Variants in ZFAND3 observed in about 807,000 individuals in gnomAD.
ZFAND3 encodes the protein AN1-type zinc finger protein 3.
A neutral mutation model predicts 29.6 loss-of-function variants in ZFAND3; 10 were observed. The observed-to-expected ratio is 0.34, with a 90% CI of 0.21 to 0.57. ZFAND3 has a LOEUF of 0.57. ZFAND3 is among the 20% of genes least tolerant of loss of function. The pLI is 0.86. For missense variants in ZFAND3, 230 were observed against 304.5 expected, an observed-to-expected ratio of 0.76 and a Z score of 1.82; for synonymous variants, 128 against 112.6, an observed-to-expected ratio of 1.14 and a Z score of -0.87.
chr6:37,897,442 C>G (rs2127399472), intron 1 of ZFAND3, among the ~76,000 whole-genome samples: 1 of 152,270 alleles, frequency 6.6e-6, no homozygotes, highest in East Asian at 1.9e-4. Flanking sequence ...GGCTTATCTT[C>G]CGTCTTTGTT....
intron 2 of ZFAND3, among the ~76,000 whole-genome samples, chr6:37,945,925 C>A (rs925454236): frequency 1.3e-5 from 2 of 152,148 alleles, no homozygotes; most frequent in Non-Finnish European, 2.9e-5. Flanking sequence ...GTCACCACTT[C>A]TTGTTAAAAT....
intron 2 of ZFAND3, among the ~76,000 whole-genome samples, chr6:37,977,759 T>C: frequency 6.7e-6 from 1 of 149,890 alleles, no homozygotes; most frequent in Non-Finnish European, 1.5e-5. Context: ...CTTTTATTTC[T>C]GGTTTGCTGA....
At chr6:38,049,215 A>G (rs117255691) in intron 2 of ZFAND3, among the ~76,000 whole-genome samples, 2 of 152,310 alleles carry the variant, frequency 1.3e-5, no homozygotes, top group East Asian at 3.9e-4. Flanking sequence ...CTTCGCTATA[A>G]TTCATACCAG....
intron 4 of ZFAND3, among the ~76,000 whole-genome samples, chr6:38,092,257 C>A (rs1485880658): frequency 2.1e-4 from 32 of 152,186 alleles, no homozygotes; most frequent in Non-Finnish European, 1.3e-4. Context: ...GGTTAGGCAG[C>A]CAGTCCAGCA....
Position 38,041,689 on chromosome 6 carries a change from TTCTC to T in ZFAND3, c.113-19903_113-19900del, listed in dbSNP as rs1561976813. On this transcript the variant is annotated intron_variant, in intron 2 of 5. Transcript: ENST00000287218. ...CTTCTTCTTCTTCTTCTTCTTCTCC[TTCTC>T]CTTCTCCTCCTCCTCCTCCTCCTCC... 3.6e-3 allele frequency among the ~76,000 whole-genome samples: 88 copies of T among 24,156 alleles called. 13 individuals carry two copies. Among genetic ancestry groups the T allele is most frequent in the African/African-American group, 0.014 (81 of 5,880 alleles). The allele number at this position is 24,156 out of a possible 152,430, so 15.8% of individuals were successfully genotyped here.
intron 1 of ZFAND3, among the ~76,000 whole-genome samples, chr6:37,886,604 G>A (rs929630668): frequency 2.0e-5 from 3 of 152,316 alleles, no homozygotes; most frequent in East Asian, 1.9e-4. Flanking sequence ...CTGTTGCTCA[G>A]TAAAGCTATT....
At chr6:38,097,102 TCTCA>T (rs1440889276) in intron 4 of ZFAND3, among the ~76,000 whole-genome samples, 3 of 151,886 alleles carry the variant, frequency 2.0e-5, no homozygotes, top group Non-Finnish European at 4.4e-5. Flanking sequence ...TTTTTGAGAG[TCTCA>T]CTCTATTCAC....
At chr6:38,033,639 A>G (rs530684206) in intron 2 of ZFAND3, among the ~76,000 whole-genome samples, 10 of 152,340 alleles carry the variant, frequency 6.6e-5, no homozygotes, top group Non-Finnish European at 1.3e-4. Context: ...TGAATTTTAC[A>G]TGCCAATCCA....
Position 37,913,259 on chromosome 6 carries a change from C to T in ZFAND3, c.72-16700C>T, listed in dbSNP as rs535045047. Among the ~76,000 whole-genome samples, 11 of 152,284 alleles carry T rather than the reference C, an allele frequency of 7.2e-5. No homozygotes were observed. The East Asian group carries it at 2.1e-3, about 29-fold the overall frequency. Reference sequence around the variant, plus strand: ...TGATAGCATTTTACCCACAGTAGAACTTCTTTCAGAATTGGAATCAATCCT... The same window carrying T: ...TGATAGCATTTTACCCACAGTAGAATTTCTTTCAGAATTGGAATCAATCCT... On this transcript the variant is annotated intron_variant, in intron 1 of 5. Coordinates refer to ENST00000287218, the MANE Select transcript of ZFAND3 (RefSeq NM_021943.3).
chr6:37,859,724 G>C (rs892150544), intron 1 of ZFAND3, among the ~76,000 whole-genome samples: 19 of 152,040 alleles, frequency 1.2e-4, no homozygotes, highest in African/African-American at 4.3e-4. Flanking sequence ...CAATCAGTTT[G>C]TGTAACATTT....
chr6:37,845,549 T>TGC (rs1764162879), intron 1 of ZFAND3, among the ~76,000 whole-genome samples: 1 of 152,240 alleles, frequency 6.6e-6, no homozygotes, highest in African/African-American at 2.4e-5. Context: ...TATAGCTTAA[T>TGC]CTTCCAAGAA....
intron 2 of ZFAND3, among the ~76,000 whole-genome samples, chr6:37,995,145 C>G (rs1248208476): frequency 6.6e-6 from 1 of 152,130 alleles, no homozygotes; most frequent in Non-Finnish European, 1.5e-5. Context: ...GTGCAGTATG[C>G]CATGTCAAGG....
At chr6:37,959,830 T>G (rs1581792954) in intron 2 of ZFAND3, among the ~76,000 whole-genome samples, 1 of 152,344 alleles carries the variant, frequency 6.6e-6, no homozygotes, top group South Asian at 2.1e-4. Flanking sequence ...TAAACTGCTT[T>G]CTTCTTGAGA....
At chr6:38,023,187 A>G (rs1341952614) in intron 2 of ZFAND3, among the ~76,000 whole-genome samples, 1 of 152,202 alleles carries the variant, frequency 6.6e-6, no homozygotes, top group Non-Finnish European at 1.5e-5. Context: ...ACACTGAATC[A>G]AGGAGGGTTT....
chr6:38,092,503 T>C (rs1027778736), intron 4 of ZFAND3, among the ~76,000 whole-genome samples: 24 of 152,212 alleles, frequency 1.6e-4, no homozygotes, highest in African/African-American at 5.5e-4. Context: ...ATAGTACTAA[T>C]GTTGTATTTT....
At chr6:38,142,320 C>T (rs1311186036) in intron 5 of ZFAND3, 1 of 471,504 alleles carries the variant, frequency 2.1e-6, no homozygotes, top group Non-Finnish European at 4.4e-6. Flanking sequence ...CACGTTGCCA[C>T]TCGGACATTC....
intron 5 of ZFAND3, among the ~76,000 whole-genome samples, chr6:38,146,661 A>AG (rs1464131493): frequency 2.6e-5 from 4 of 152,170 alleles, no homozygotes; most frequent in African/African-American, 9.7e-5. Context: ...GGCAGGGGAA[A>AG]GGGCTAAGGT....
At chr6:37,900,194 C>A (rs1042282793) in intron 1 of ZFAND3, among the ~76,000 whole-genome samples, 2 of 152,028 alleles carry the variant, frequency 1.3e-5, no homozygotes, top group Non-Finnish European at 2.9e-5. Context: ...CTGCAGAAAC[C>A]CTTGCAATAC....
intron 1 of ZFAND3, among the ~76,000 whole-genome samples, chr6:37,912,071 TGA>T (rs1491428218): frequency 2.1e-5 from 3 of 142,352 alleles, no homozygotes; most frequent in African/African-American, 7.6e-5. Flanking sequence ...TGTGTGTGTG[TGA>T]TGGTGTAGGT....
Sources: allele counts gnomAD v4.1 joint callset (sites outside exome capture counted in the v4.1 genomes callset), GRCh38; gene constraint gnomAD v4.1.1; transcripts MANE v1.5; gene names NCBI Gene and HGNC (gene_info 2026-07-23, HGNC 2026-07-21).